The following IGF2BP2 variants were observed in gnomAD, a reference collection of about 807,000 sequenced individuals.
IGF2BP2 encodes insulin like growth factor 2 mRNA binding protein 2, also known as insulin-like growth factor 2 mRNA-binding protein 2.
IGF2BP2 carries 17 observed loss-of-function variants against 75.8 expected under a neutral mutation model. The ratio of observed to expected loss-of-function variants is 0.22; its 90% confidence interval spans 0.15 to 0.34. The LOEUF is 0.34. Ranked by LOEUF, IGF2BP2 falls within the 10% of genes least tolerant of loss-of-function variation. The pLI is 1.00. For missense variants in IGF2BP2, 516 were observed against 772.4 expected (o/e 0.67, Z 3.93); for synonymous variants, 288 against 295.6 (o/e 0.97, Z 0.26).
chr3:185,804,297 T>C (rs1039480756), intron 2 of IGF2BP2, among the ~76,000 whole-genome samples: 9 of 148,560 alleles, frequency 6.1e-5, no homozygotes, highest in African/African-American at 2.0e-4. Flanking sequence ...CCAGGTGTGG[T>C]GGTGCACGCC....
chr3:185,814,297 G>A (rs1421026683), intron 2 of IGF2BP2, among the ~76,000 whole-genome samples: 3 of 151,844 alleles, frequency 2.0e-5, no homozygotes, highest in Non-Finnish European at 4.4e-5. Context: ...TAAATAAAGG[G>A]GCACAAAACA....
intron 12 of IGF2BP2, among the ~76,000 whole-genome samples, chr3:185,652,666 G>T (rs1714799528): frequency 6.6e-6 from 1 of 152,198 alleles, no homozygotes; most frequent in African/African-American, 2.4e-5. Flanking sequence ...GTTAGAGTAT[G>T]TGTGGTCAAG....
intron 2 of IGF2BP2, among the ~76,000 whole-genome samples, chr3:185,722,996 T>A (rs1239332762): frequency 6.6e-6 from 1 of 152,216 alleles, no homozygotes; most frequent in Admixed American, 6.5e-5. Context: ...CAAAGGGGTA[T>A]GTCATTTTGT....
chr3:185,643,234 C>T lies in IGF2BP2; in HGVS notation c.*2297G>A, dbSNP rs1712950415. 6.6e-6 allele frequency among the ~76,000 whole-genome samples: 1 copy of T among 152,280 alleles called. No homozygotes were observed. Among genetic ancestry groups the T allele is most frequent in the African/African-American group, 2.4e-5 (1 of 41,564 alleles). ...TGCCTGCACTTACTAGTGAGCTTCC[C>T]GTGGAGGCGTGAAGTGCCTCTTCCC... On this transcript the variant is annotated 3_prime_UTR_variant, in exon 16 of 16. Coordinates refer to ENST00000382199, the MANE Select transcript of IGF2BP2 (RefSeq NM_006548.6).
chr3:185,808,974 G>C (rs139325371), intron 2 of IGF2BP2, among the ~76,000 whole-genome samples: 7 of 152,144 alleles, frequency 4.6e-5, no homozygotes, highest in Non-Finnish European at 7.4e-5. Context: ...TGTTAGACTT[G>C]TCTGGTTTTT....
chr3:185,707,585 G>C (rs1724226848), intron 2 of IGF2BP2, among the ~76,000 whole-genome samples: 3 of 151,986 alleles, frequency 2.0e-5, no homozygotes, highest in Non-Finnish European at 4.4e-5. Context: ...GGGATTACAG[G>C]CGTGAGCCAC....
At chr3:185,671,318 C>A (rs1197161843) in intron 10 of IGF2BP2, among the ~76,000 whole-genome samples, 1 of 152,060 alleles carries the variant, frequency 6.6e-6, no homozygotes, top group Non-Finnish European at 1.5e-5. Flanking sequence ...AAGGCCGAGG[C>A]AGGCAGATCA....
At chr3:185,702,870 A>G (rs1723507023) in intron 2 of IGF2BP2, among the ~76,000 whole-genome samples, 1 of 152,218 alleles carries the variant, frequency 6.6e-6, no homozygotes, top group African/African-American at 2.4e-5. Context: ...CAGCAGGAAC[A>G]TGTCTTTATT....
intron 2 of IGF2BP2, among the ~76,000 whole-genome samples, chr3:185,802,263 T>C (rs547223926): frequency 1.5e-5 from 2 of 136,938 alleles, no homozygotes; most frequent in East Asian, 4.1e-4. Flanking sequence ...AGTCCTTTGC[T>C]AAGTAGCATC....
intron 2 of IGF2BP2, among the ~76,000 whole-genome samples, chr3:185,783,442 C>A (rs1280911906): frequency 6.6e-6 from 1 of 152,126 alleles, no homozygotes; most frequent in African/African-American, 2.4e-5. Flanking sequence ...GAGTTCTCAC[C>A]CCTGAGGGCA....
At chr3:185,712,301 C>T (rs557896453) in intron 2 of IGF2BP2, among the ~76,000 whole-genome samples, 4 of 152,192 alleles carry the variant, frequency 2.6e-5, no homozygotes, top group African/African-American at 9.6e-5. Flanking sequence ...AAAATGCAAA[C>T]ATTTTTATTT....
chr3:185,756,942 C>T lies in IGF2BP2; in HGVS notation c.240-58595G>A, dbSNP rs77969420. The stretch of plus-strand genomic sequence containing the variant: ...TATGATCACACCACTGAACTCCAGT[C>T]TAGGCAACAGAGTGAGATCCTGTCT... On this transcript the variant is annotated intron_variant, in intron 2 of 15. Coordinates refer to ENST00000382199, the MANE Select transcript of IGF2BP2 (RefSeq NM_006548.6). Among the ~76,000 whole-genome samples, 962 of 152,240 alleles carry T rather than the reference C, an allele frequency of 6.3e-3. 2 individuals carry two copies. Among genetic ancestry groups the T allele is most frequent in the Non-Finnish European group, 8.7e-3 (590 of 68,012 alleles).
At chr3:185,698,451 G>T in intron 2 of IGF2BP2, 104 bp from the exon 3 acceptor site, 1 of 1,039,970 alleles carries the variant, frequency 9.6e-7, no homozygotes, top group Non-Finnish European at 1.5e-6. Flanking sequence ...TTTTCTCACT[G>T]TGTTCACCAT....
In IGF2BP2 at chr3:185,675,306, A is replaced by G; in HGVS notation, c.1061T>C (p.Leu354Pro). 1 of 1,608,348 alleles carries G rather than the reference A, an allele frequency of 6.2e-7. No individual in the cohort carries two copies. The highest frequency in any genetic ancestry group is 8.5e-7 in the Non-Finnish European group (1 of 1,179,042). ...GCATTAGGGACTTACGTTAACAGCC[A>G]GCATATCATTTTCAAAGGCCTCACG... is the stretch of plus-strand genomic sequence containing the variant. ...KLREAFENDM[L>P]AVNQQANLIP... Residue 354 changes from leucine to proline, a missense_variant, in exon 9 of 16, where the codon CTG becomes CCG. Coordinates refer to ENST00000382199, the MANE Select transcript of IGF2BP2 (RefSeq NM_006548.6).
chr3:185,811,149 G>A (rs989687533), intron 2 of IGF2BP2, among the ~76,000 whole-genome samples: 3 of 151,952 alleles, frequency 2.0e-5, no homozygotes, highest in African/African-American at 7.3e-5. Flanking sequence ...TAAAAATGTA[G>A]GGTACTTTAT....
At chr3:185,717,652 G>A (rs1490980318) in intron 2 of IGF2BP2, 1 of 152,258 alleles carries the variant, frequency 6.6e-6, no homozygotes, top group African/African-American at 2.4e-5. Context: ...TGAAACAGCA[G>A]GCCCACAGGA....
intron 2 of IGF2BP2, among the ~76,000 whole-genome samples, chr3:185,817,534 A>G (rs1740769876): frequency 6.6e-6 from 1 of 152,214 alleles, no homozygotes; most frequent in Non-Finnish European, 1.5e-5. Flanking sequence ...CATGATCAAA[A>G]CAGGAAAAGT....
At chr3:185,699,598 A>G (rs190081587) in intron 2 of IGF2BP2, among the ~76,000 whole-genome samples, 1 of 152,192 alleles carries the variant, frequency 6.6e-6, no homozygotes, top group Non-Finnish European at 1.5e-5. Flanking sequence ...CTTTATGCAA[A>G]TAATAGCAAA....
chr3:185,666,357 G>T (rs997207214), intron 10 of IGF2BP2, among the ~76,000 whole-genome samples: 1 of 152,184 alleles, frequency 6.6e-6, no homozygotes, highest in African/African-American at 2.4e-5. Context: ...GCTTAGGCCG[G>T]GCATGGTGGC....
Sources: gnomAD v4.1 joint callset for allele counts (sites outside exome capture counted in the v4.1 genomes callset) on GRCh38, gnomAD v4.1.1 for gene constraint, MANE v1.5 for transcripts, NCBI Gene and HGNC (gene_info 2026-07-23, HGNC 2026-07-21) for gene names.